Variants in TENM1 observed in about 807,000 individuals in gnomAD.
TENM1 encodes the protein teneurin transmembrane protein 1.
TENM1 carries 35 observed loss-of-function variants against 174.8 expected under a neutral mutation model. The ratio of observed to expected loss-of-function variants is 0.20; its 90% confidence interval spans 0.15 to 0.27. The LOEUF (loss-of-function observed/expected upper bound fraction) is 0.27. TENM1 is among the 10% of genes least tolerant of loss of function. The pLI is 1.00. For missense variants in TENM1, 1,633 were observed against 2,130.1 expected (o/e 0.77, Z 4.59); for synonymous variants, 781 against 798.7 (o/e 0.98, Z 0.37).
At chrX:125,003,053 A>G in the TENM1 span, among the ~76,000 whole-genome samples, 1 of 112,191 alleles carries the variant, frequency 8.9e-6, no homozygotes, top group African/African-American at 3.2e-5. Flanking sequence ...GTAAAAGGTT[A>G]AAACATGCCC....
chrX:125,102,053 A>G, the TENM1 span, among the ~76,000 whole-genome samples: 1 of 111,615 alleles, frequency 9.0e-6, no homozygotes, highest in Non-Finnish European at 1.9e-5. Context: ...ATCTTGAGGT[A>G]CAAAATACAA....
intron 10 of TENM1, among the ~76,000 whole-genome samples, chrX:124,643,624 A>C: frequency 8.9e-6 from 1 of 111,875 alleles, no homozygotes; most frequent in Admixed American, 9.5e-5. Flanking sequence ...AAACCCATTC[A>C]GAGGCCTGGT....
chrX:124,452,379 T>C (rs904082726), intron 23 of TENM1, among the ~76,000 whole-genome samples: 13 of 112,141 alleles, frequency 1.2e-4, no homozygotes, highest in African/African-American at 3.9e-4. Flanking sequence ...CAACAGGTGC[T>C]GGAGAGGATG....
chrX:124,951,484 C>A (rs960686469), intron 1 of TENM1, among the ~76,000 whole-genome samples: 3 of 109,300 alleles, frequency 2.7e-5, no homozygotes, highest in Non-Finnish European at 5.7e-5. Context: ...TTTTAGAAAG[C>A]CTTTAGCCAA....
intron 25 of TENM1, among the ~76,000 whole-genome samples, chrX:124,410,595 C>T (rs1050298975): frequency 4.5e-5 from 5 of 111,070 alleles, no homozygotes; most frequent in Admixed American, 1.9e-4. Context: ...ACCTACAGAA[C>T]GGGAGAAAAT....
In TENM1 at chrX:124,561,658, A is replaced by G; in HGVS notation, c.2434+13T>C. ...TATTCCTTTCTTACGTGAACATTTT[A>G]TAAATGACTCACCTCCATCATTGTC... On this transcript the variant is annotated intron_variant, in intron 14 of 31. Coordinates refer to ENST00000422452, the Ensembl canonical transcript of TENM1. 1 of 1,210,380 alleles carries G rather than the reference A, an allele frequency of 8.3e-7. No individual in the cohort carries two copies. Among genetic ancestry groups the G allele is most frequent in the Non-Finnish European group, 1.1e-6 (1 of 894,762 alleles).
At chrX:125,072,474 A>C in the TENM1 span, among the ~76,000 whole-genome samples, 2 of 111,758 alleles carry the variant, frequency 1.8e-5, no homozygotes, top group Non-Finnish European at 3.8e-5. Flanking sequence ...ACCTTGTGTT[A>C]TTAAACTAAT....
chrX:124,427,744 G>A (rs2060734851), intron 23 of TENM1, among the ~76,000 whole-genome samples: 1 of 111,911 alleles, frequency 8.9e-6, no homozygotes, highest in South Asian at 3.8e-4. Context: ...CAGAAATACT[G>A]TATTTACTAC....
the TENM1 span, among the ~76,000 whole-genome samples, chrX:124,996,683 A>G: frequency 9.0e-6 from 1 of 110,962 alleles, no homozygotes; most frequent in Non-Finnish European, 1.9e-5. Context: ...GGTAGGCAAT[A>G]TATACTCATC....
chrX:124,647,718 A>AT (rs59728780), intron 8 of TENM1, among the ~76,000 whole-genome samples: 17 of 104,426 alleles, frequency 1.6e-4, no homozygotes, highest in African/African-American at 3.2e-4. Flanking sequence ...TCTCGCAGGG[A>AT]TTTTTTTTTG....
chrX:124,667,176 G>A (rs779148408), intron 6 of TENM1, among the ~76,000 whole-genome samples: 2 of 111,560 alleles, frequency 1.8e-5, no homozygotes, highest in African/African-American at 3.3e-5. Flanking sequence ...TAAATTACGT[G>A]GGGGTAGTTA....
chrX:124,437,104 A>ATTTT (rs35632932), intron 23 of TENM1, among the ~76,000 whole-genome samples: 2 of 34,907 alleles, frequency 5.7e-5, no homozygotes, highest in African/African-American at 1.2e-4. Context: ...TGCTCGGCTA[A>ATTTT]TTTTTTTTTT....
chrX:124,592,754 C>T (rs1394597535), intron 11 of TENM1, among the ~76,000 whole-genome samples: 1 of 94,685 alleles, frequency 1.1e-5, no homozygotes, highest in Non-Finnish European at 2.1e-5. Context: ...CCAGGCCTTA[C>T]TGTTTTTTTT....
At chrX:125,169,784 T>C in the TENM1 span, among the ~76,000 whole-genome samples, 3 of 110,186 alleles carry the variant, frequency 2.7e-5, no homozygotes, top group African/African-American at 9.9e-5. Context: ...TTTTTTTTCA[T>C]TCTCATTCTT....
At chrX:124,465,715 CT>C (rs1468223378) in intron 22 of TENM1, among the ~76,000 whole-genome samples, 29 of 109,063 alleles carry the variant, frequency 2.7e-4, no homozygotes, top group Middle Eastern at 4.7e-3. Context: ...CATTTTCCCC[CT>C]TTTTTTTTCT....
the TENM1 span, among the ~76,000 whole-genome samples, chrX:125,130,893 T>C: frequency 9.0e-6 from 1 of 110,908 alleles, no homozygotes; most frequent in African/African-American, 3.3e-5. Context: ...AGACACTCGG[T>C]AAATAAAAAA....
intron 3 of TENM1, among the ~76,000 whole-genome samples, chrX:124,846,984 T>G (rs941688128): frequency 8.9e-6 from 1 of 112,091 alleles, no homozygotes; most frequent in African/African-American, 3.2e-5. Context: ...TACAGCTAAG[T>G]AATGCTAATG....
chrX:124,935,229 T>A (rs958157926), intron 1 of TENM1, among the ~76,000 whole-genome samples: 4 of 107,673 alleles, frequency 3.7e-5, no homozygotes, highest in African/African-American at 1.4e-4. Context: ...TTCATTTCGA[T>A]GATTCTGATA....
At chrX:124,791,888 A>G (rs1383197744) in intron 3 of TENM1, among the ~76,000 whole-genome samples, 1 of 110,991 alleles carries the variant, frequency 9.0e-6, no homozygotes, top group Non-Finnish European at 1.9e-5. Context: ...ATGTGTGTAA[A>G]ATATGCTCCC....
Sources: allele counts gnomAD v4.1 joint callset (sites outside exome capture counted in the v4.1 genomes callset), GRCh38; gene constraint gnomAD v4.1.1; transcripts MANE v1.5; gene names NCBI Gene and HGNC (gene_info 2026-07-23, HGNC 2026-07-21).